SDK1: variants seen among roughly 807,000 people sequenced by gnomAD.
The protein encoded by SDK1 is protein sidekick-1.
A neutral mutation model predicts 245.5 loss-of-function variants in SDK1; 157 were observed. The ratio of observed to expected loss-of-function variants is 0.64; its 90% CI spans 0.56 to 0.73. SDK1 has a LOEUF of 0.73. Among genes scored for constraint, SDK1 ranks in the 30% least tolerant of loss-of-function variants. SDK1 has a pLI of 0.00. For synonymous variants in SDK1, 1,647 were observed against 1,278.5 expected (o/e 1.29, Z -6.15); for missense variants, 3,583 against 3,002.3 (o/e 1.19, Z -4.52).
chr7:3,443,845 A>G (rs573473106), intron 1 of SDK1, among the ~76,000 whole-genome samples: 2 of 152,362 alleles, frequency 1.3e-5, no homozygotes, highest in Non-Finnish European at 1.5e-5. Context: ...GAAGTTGTAT[A>G]ATAAAGTGCA....
intron 1 of SDK1, among the ~76,000 whole-genome samples, chr7:3,421,982 A>G (rs1191922214): frequency 6.6e-6 from 1 of 152,174 alleles, no homozygotes; most frequent in East Asian, 1.9e-4. Flanking sequence ...ATTCTTGGAA[A>G]TGTAAAGCAT....
At chr7:3,916,846 T>G (rs1174020224) in intron 5 of SDK1, among the ~76,000 whole-genome samples, 1 of 152,198 alleles carries the variant, frequency 6.6e-6, no homozygotes, top group African/African-American at 2.4e-5. Flanking sequence ...GACAGACAGA[T>G]TGTCAGGGAG....
chr7:4,253,495 A>G (rs138893774), intron 44 of SDK1, among the ~76,000 whole-genome samples: 202 of 152,328 alleles, frequency 1.3e-3, no homozygotes, highest in African/African-American at 4.6e-3. Context: ...CAGAGAAACC[A>G]TAATTTATAT....
At chr7:3,727,952 C>G (rs182091636) in intron 4 of SDK1, among the ~76,000 whole-genome samples, 14 of 152,324 alleles carry the variant, frequency 9.2e-5, no homozygotes, top group Admixed American at 9.1e-4. Context: ...TTAGGTTTTT[C>G]CAGTCTCTGG....
chr7:4,257,426 TA>T (rs1315681551), intron 44 of SDK1, among the ~76,000 whole-genome samples: 3 of 152,174 alleles, frequency 2.0e-5, no homozygotes. Context: ...ATTTTGTCAA[TA>T]ATTCTAACTC....
intron 5 of SDK1, among the ~76,000 whole-genome samples, chr7:3,876,885 T>C (rs923000099): frequency 1.3e-5 from 2 of 152,242 alleles, no homozygotes; most frequent in Non-Finnish European, 2.9e-5. Context: ...ATAATTTTTG[T>C]GTAATTGAAT....
chr7:3,696,265 T>A (rs1304552252), intron 4 of SDK1, among the ~76,000 whole-genome samples: 2 of 152,162 alleles, frequency 1.3e-5, no homozygotes, highest in Non-Finnish European at 2.9e-5. Flanking sequence ...TGCTCCACTG[T>A]GTGATCTTGG....
intron 32 of SDK1, among the ~76,000 whole-genome samples, chr7:4,166,953 G>C (rs1781536550): frequency 6.6e-6 from 1 of 152,130 alleles, no homozygotes; most frequent in Non-Finnish European, 1.5e-5. Context: ...TTCCCTGCAG[G>C]TCCTGCCTCC....
chr7:3,867,338 G>A (rs777051086), intron 5 of SDK1, among the ~76,000 whole-genome samples: 5 of 152,200 alleles, frequency 3.3e-5, no homozygotes, highest in Non-Finnish European at 7.3e-5. Context: ...TTATTTTGGT[G>A]TGAAGGTATA....
chr7:4,085,148 C>T (rs1781349634), intron 22 of SDK1, among the ~76,000 whole-genome samples: 1 of 152,098 alleles, frequency 6.6e-6, no homozygotes, highest in Non-Finnish European at 1.5e-5. Flanking sequence ...CTTTATCCTC[C>T]TATTGTATTA....
chr7:4,124,623 A>C (rs924297808), intron 25 of SDK1, among the ~76,000 whole-genome samples: 1 of 152,200 alleles, frequency 6.6e-6, no homozygotes, highest in African/African-American at 2.4e-5. Flanking sequence ...TAGGATAACA[A>C]AATAAGGATT....
intron 5 of SDK1, among the ~76,000 whole-genome samples, chr7:3,859,804 CAAATAGGTG>C (rs1780644670): frequency 6.6e-6 from 1 of 152,112 alleles, no homozygotes; most frequent in Non-Finnish European, 1.5e-5. Context: ...AGATCCATTG[CAAATAGGTG>C]AAACATATAC....
intron 1 of SDK1, among the ~76,000 whole-genome samples, chr7:3,506,703 C>G (rs1782402691): frequency 6.6e-6 from 1 of 152,164 alleles, no homozygotes; most frequent in Non-Finnish European, 1.5e-5. Flanking sequence ...TTCAGATTCA[C>G]TGATCTTTTC....
intron 12 of SDK1, among the ~76,000 whole-genome samples, chr7:3,973,556 T>C (rs1186495341): frequency 6.6e-6 from 1 of 152,104 alleles, no homozygotes; most frequent in Non-Finnish European, 1.5e-5. Flanking sequence ...TTTAAGAAAG[T>C]GTGTTTTTGA....
intron 1 of SDK1, among the ~76,000 whole-genome samples, chr7:3,348,984 C>G (rs1431597555): frequency 6.6e-6 from 1 of 152,060 alleles, no homozygotes; most frequent in Non-Finnish European, 1.5e-5. Flanking sequence ...TGGAGTGTGC[C>G]CCTCACGTTT....
chr7:4,218,701 G>T (rs1464350105), intron 38 of SDK1, among the ~76,000 whole-genome samples: 2 of 152,194 alleles, frequency 1.3e-5, no homozygotes, highest in African/African-American at 4.8e-5. Context: ...GGGCTGGGCA[G>T]GTGGACTCAG....
chr7:3,969,917 C>A (rs957380876), intron 11 of SDK1, among the ~76,000 whole-genome samples: 1 of 152,218 alleles, frequency 6.6e-6, no homozygotes, highest in Admixed American at 6.5e-5. Flanking sequence ...AACTAAGACA[C>A]TTCTAATATA....
At chr7:3,987,379 C>G (rs1783942523) in intron 14 of SDK1, 57 bp downstream of exon 14, 22 of 1,561,132 alleles carry the variant, frequency 1.4e-5, no homozygotes, top group Non-Finnish European at 1.7e-5. Context: ...TGTGTGTGCT[C>G]TTAATGTCCT....
intron 4 of SDK1, among the ~76,000 whole-genome samples, chr7:3,734,687 C>A (rs1779270570): frequency 6.6e-6 from 1 of 152,114 alleles, no homozygotes; most frequent in Non-Finnish European, 1.5e-5. Context: ...GGCTGCAGGC[C>A]AAATTATTTT....
Sources: gnomAD v4.1 joint callset for allele counts (sites outside exome capture counted in the v4.1 genomes callset) on GRCh38, gnomAD v4.1.1 for gene constraint, MANE v1.5 for transcripts, NCBI Gene and HGNC (gene_info 2026-07-23, HGNC 2026-07-21) for gene names.